The following NBAS variants were observed in gnomAD, a reference collection of about 807,000 sequenced individuals.
NBAS encodes the protein NAG/BC035112 fusion.
Under a neutral mutation model 302.5 loss-of-function variants are expected in NBAS, and 219 were observed. The ratio of observed to expected loss-of-function variants is 0.72; its 90% CI spans 0.65 to 0.81. NBAS has a LOEUF of 0.81. Ranked by LOEUF, NBAS falls within the 30% of genes least tolerant of loss-of-function variation. The probability of loss-of-function intolerance (pLI) is 0.00; values close to 1 mark genes in which losing one functional copy is unlikely to be tolerated. For synonymous variants in NBAS, 1,118 were observed against 1,021.6 expected (o/e 1.09, Z -1.80); for missense variants, 2,932 against 2,841.6 (o/e 1.03, Z -0.72).
At chr2:15,501,584 ATTTTTTT>A (rs70961416) in intron 11 of NBAS, among the ~76,000 whole-genome samples, 9 of 107,228 alleles carry the variant, frequency 8.4e-5, no homozygotes, top group Non-Finnish European at 1.5e-4. Context: ...TGAACTAAAT[ATTTTTTT>A]TTTTTTTTTT....
intron 21 of NBAS, among the ~76,000 whole-genome samples, chr2:15,439,885 C>T (rs1440518327): frequency 1.3e-5 from 2 of 152,372 alleles, no homozygotes; most frequent in Admixed American, 6.5e-5. Context: ...GTCCTACGTC[C>T]ACGGAGTCTC....
intron 6 of NBAS, among the ~76,000 whole-genome samples, chr2:15,549,382 T>C (rs1033343686): frequency 6.6e-6 from 1 of 152,114 alleles, no homozygotes; most frequent in Non-Finnish European, 1.5e-5. Context: ...TAAAAAATGT[T>C]AAGAGCCTGA....
chr2:14,875,153 CAT>C, the NBAS span, among the ~76,000 whole-genome samples: 1 of 152,028 alleles, frequency 6.6e-6, no homozygotes, highest in Non-Finnish European at 1.5e-5. Flanking sequence ...AGAAATAAAA[CAT>C]AAACAGATTA....
the NBAS span, among the ~76,000 whole-genome samples, chr2:15,009,545 C>T: frequency 6.6e-6 from 1 of 150,970 alleles, no homozygotes; most frequent in African/African-American, 2.4e-5. Context: ...AGGCTAAAGC[C>T]ATGAAGGATA....
chr2:15,513,806 T>C (rs1662258492), intron 9 of NBAS, among the ~76,000 whole-genome samples: 2 of 150,524 alleles, frequency 1.3e-5, no homozygotes, highest in Non-Finnish European at 3.0e-5. Context: ...CTGGGCAACA[T>C]AGTGAGATCT....
chr2:15,168,935 T>A (rs1456605962), intron 51 of NBAS, among the ~76,000 whole-genome samples: 3 of 152,210 alleles, frequency 2.0e-5, no homozygotes, highest in African/African-American at 7.2e-5. Context: ...GCCTGTATGA[T>A]AGTAATTTGT....
At chr2:15,504,282 T>C (rs1226091458) in intron 10 of NBAS, 69 bp from the exon 11 acceptor site, 2 of 1,221,102 alleles carry the variant, frequency 1.6e-6, no homozygotes, top group African/African-American at 1.5e-5. Context: ...TGTCCCTTTA[T>C]AATGAAATGA....
chr2:15,284,160 G>GA (rs745972085), intron 42 of NBAS, among the ~76,000 whole-genome samples: 335 of 116,532 alleles, frequency 2.9e-3, no homozygotes, highest in Middle Eastern at 8.6e-3. Context: ...GCGGGAAATG[G>GA]AAAAAAAAAA....
chr2:15,327,936 A>C, intron 37 of NBAS, 66 bp from the exon 38 acceptor site: 1 of 1,588,020 alleles, frequency 6.3e-7, no homozygotes, highest in Non-Finnish European at 8.6e-7. Context: ...TATGCTTAGA[A>C]AACAATTATA....
At chr2:15,362,485 G>T (rs990137209) in intron 32 of NBAS, among the ~76,000 whole-genome samples, 3 of 151,998 alleles carry the variant, frequency 2.0e-5, no homozygotes, top group Non-Finnish European at 4.4e-5. Context: ...TTCAGCCTGG[G>T]CAACAGAGCA....
chr2:15,290,187 A>T (rs1670245301), intron 41 of NBAS, among the ~76,000 whole-genome samples: 1 of 152,032 alleles, frequency 6.6e-6, no homozygotes, highest in South Asian at 2.1e-4. Context: ...TGGTCACTCT[A>T]TGTACAAGTG....
chr2:15,427,109 T>C (rs2148483456), intron 22 of NBAS, among the ~76,000 whole-genome samples: 1 of 152,234 alleles, frequency 6.6e-6, no homozygotes, highest in East Asian at 1.9e-4. Context: ...CTGAAGGTTT[T>C]CTAGCTCAAT....
At chr2:15,134,680 A>T in the NBAS span, among the ~76,000 whole-genome samples, 3 of 152,186 alleles carry the variant, frequency 2.0e-5, no homozygotes, top group African/African-American at 7.2e-5. Flanking sequence ...CTCAGAATTG[A>T]GGGGTGTTCA....
At chr2:15,456,076 A>G (rs749062317) in intron 21 of NBAS, among the ~76,000 whole-genome samples, 1 of 152,214 alleles carries the variant, frequency 6.6e-6, no homozygotes, top group Non-Finnish European at 1.5e-5. Context: ...TAACAGTTAC[A>G]AACTCAGAAC....
At chr2:15,032,886 A>T in the NBAS span, among the ~76,000 whole-genome samples, 1 of 152,238 alleles carries the variant, frequency 6.6e-6, no homozygotes, top group Non-Finnish European at 1.5e-5. Context: ...AAGACAAGGG[A>T]AGAATGACCC....
chr2:14,895,517 TCA>T, the NBAS span, among the ~76,000 whole-genome samples: 9 of 152,098 alleles, frequency 5.9e-5, no homozygotes, highest in Admixed American at 5.9e-4. Flanking sequence ...GGCGGGTGGA[TCA>T]CAAGGTCAGG....
the NBAS span, among the ~76,000 whole-genome samples, chr2:14,955,607 C>A: frequency 6.6e-6 from 1 of 152,210 alleles, no homozygotes; most frequent in African/African-American, 2.4e-5. Flanking sequence ...CAGAGGTTCC[C>A]CAACCTCAAT....
At chr2:15,524,052 A>G (rs1662804031) in intron 9 of NBAS, among the ~76,000 whole-genome samples, 1 of 152,226 alleles carries the variant, frequency 6.6e-6, no homozygotes, top group Non-Finnish European at 1.5e-5. Flanking sequence ...ATTTTTTGGC[A>G]TATTAAAGGC....
intron 21 of NBAS, among the ~76,000 whole-genome samples, chr2:15,450,505 T>C (rs1678955454): frequency 1.3e-5 from 2 of 152,162 alleles, no homozygotes; most frequent in African/African-American, 4.8e-5. Context: ...CCTCCTCATA[T>C]AACACATTTT....
Sources: allele counts gnomAD v4.1 joint callset (sites outside exome capture counted in the v4.1 genomes callset), GRCh38; gene constraint gnomAD v4.1.1; transcripts MANE v1.5; gene names NCBI Gene and HGNC (gene_info 2026-07-23, HGNC 2026-07-21).